The following MDN1 variants were observed in gnomAD, a reference collection of about 807,000 sequenced individuals.
MDN1 encodes the protein midasin AAA ATPase 1, also known as midasin.
Under a neutral mutation model 669.2 loss-of-function variants are expected in MDN1, and 266 were observed. The ratio of observed to expected loss-of-function variants is 0.40; its 90% CI spans 0.36 to 0.44. MDN1 has a LOEUF of 0.44. MDN1 is among the 20% of genes least tolerant of loss of function. MDN1 has a pLI of 1.00. For missense variants in MDN1, 5,940 were observed against 6,754.0 expected, an observed-to-expected ratio of 0.88 and a Z score of 4.22; for synonymous variants, 2,385 against 2,457.1, an observed-to-expected ratio of 0.97 and a Z score of 0.87.
intron 88 of MDN1, among the ~76,000 whole-genome samples, chr6:89,661,057 G>A (rs938357575): frequency 6.6e-6 from 1 of 152,138 alleles, no homozygotes; most frequent in Non-Finnish European, 1.5e-5. Flanking sequence ...CCCTAAAAAA[G>A]CTATAACTGG....
intron 75 of MDN1, 103 bp from the exon 76 acceptor site, chr6:89,677,799 C>A (rs1031382524): frequency 4.0e-5 from 59 of 1,466,022 alleles, no homozygotes; most frequent in Non-Finnish European, 4.9e-5. Context: ...AACAGCATCA[C>A]CTGAGAGCTT....
intron 15 of MDN1, among the ~76,000 whole-genome samples, chr6:89,770,029 T>G (rs1216823068): frequency 6.6e-6 from 1 of 151,948 alleles, no homozygotes; most frequent in African/African-American, 2.4e-5. Context: ...ACCCAGGAGT[T>G]CAAGGCTGTG....
Position 89,723,371 on chromosome 6 carries a change from C to T in MDN1, c.5778+141G>A, listed in dbSNP as rs1383662909. The T allele has an allele frequency of 1.5e-5, 10 of 668,030 alleles. No individual in the cohort carries two copies. The African/African-American group carries it at 1.8e-4, about 12-fold the overall frequency. 41.4% of individuals were successfully genotyped at this position (668,030 alleles called of 1,614,324 possible). ...ACTGGAAGCCTCCACTACATAGTGT[C>T]CCTTCCACTAGAAACCTGTAGAATT... On this transcript the variant is annotated intron_variant, in intron 39 of 101. Coordinates refer to ENST00000369393, the MANE Select transcript of MDN1 (RefSeq NM_014611.3).
intron 72 of MDN1, among the ~76,000 whole-genome samples, 179 bp from the exon 73 acceptor site, chr6:89,683,509 T>C (rs1215450282): frequency 2.0e-5 from 3 of 152,218 alleles, no homozygotes; most frequent in Admixed American, 2.0e-4. Context: ...TGGCAGGTAC[T>C]GTTATCCTCC....
intron 47 of MDN1, among the ~76,000 whole-genome samples, 173 bp downstream of exon 47, chr6:89,712,975 T>C (rs928811615): frequency 3.9e-5 from 6 of 152,100 alleles, no homozygotes; most frequent in African/African-American, 1.4e-4. Flanking sequence ...AAAAGGAATA[T>C]TTACATTCAA....
intron 95 of MDN1, 50 bp from the exon 96 acceptor site, chr6:89,650,897 A>G (rs1808805223): frequency 2.7e-6 from 4 of 1,500,730 alleles, no homozygotes; most frequent in Non-Finnish European, 3.7e-6. Flanking sequence ...AGAGCCAACC[A>G]AGTCTTCTAG....
At position 89,690,128 on chromosome 6, in the gene MDN1, A is replaced by C; in HGVS notation, c.10765T>G (p.Leu3589Val). 6.2e-7 allele frequency: 1 copy of C among 1,614,184 alleles called. No homozygotes were observed. The highest frequency in any genetic ancestry group is 8.5e-7 in the Non-Finnish European group (1 of 1,180,016). The change falls in exon 65 of 102, where the codon TTG becomes GTG. Residue 3589 changes from leucine (L) to valine (V), a missense_variant. Coordinates refer to ENST00000369393, the MANE Select transcript of MDN1 (RefSeq NM_014611.3). ...TTCTCCTCCAACGTTGGCTGCACCA[A>C]AATATCTGCAAAGTCCTATAAATAG... ...PLHEKDFADI[L>V]VQPTLEENKG...
Position 89,819,578 on chromosome 6 carries a change from G to A in MDN1, c.30C>T (p.Ala10=), listed in dbSNP as rs760062664. Residue 10 remains alanine (A), a synonymous_variant, in exon 1 of 102, where the codon GCC becomes GCT. Transcript: ENST00000369393. ...TGGCTGCGATTAACCGCAGCGGCGC[G>A]GCTGCCACCTCCAGCAAGAAGTGCT... is the stretch of plus-strand genomic sequence containing the variant. MEHFLLEVA[A]APLRLIAAKN... The A allele has an allele frequency of 1.9e-6, 3 of 1,602,710 alleles. No homozygotes were observed. The highest frequency in any genetic ancestry group is 2.5e-6 in the Non-Finnish European group (3 of 1,179,966).
Position 89,673,290 on chromosome 6 carries a change from T to C in MDN1, c.13420A>G (p.Met4474Val), listed in dbSNP as rs781175774. The stretch of plus-strand genomic sequence containing the variant: ...GTCTTCCAGGTAGTAAAGTCAGCCA[T>C]GGCTTTACTAATTTCTCCTCTTACA... ...EYVRGEISKAMADFTTWKTHL... is the reference protein window; with the variant it reads ...EYVRGEISKAVADFTTWKTHL... The change falls in exon 80 of 102, where the codon ATG becomes GTG. Residue 4474 changes from methionine to valine, a missense_variant. This residue lies in a region of MDN1 where 2,280 missense variants were observed against 2,576.3 expected (regional missense o/e 0.88). Transcript: ENST00000369393. 52 of 1,614,100 alleles carry C rather than the reference T, an allele frequency of 3.2e-5. No homozygotes were observed. The highest frequency in any genetic ancestry group is 6.6e-5 in the South Asian group (6 of 91,092).
chr6:89,686,872 G>A (rs749462247), intron 69 of MDN1, 30 bp downstream of exon 69: 2 of 1,611,428 alleles, frequency 1.2e-6, no homozygotes, highest in Admixed American at 3.4e-5. Flanking sequence ...GAAGCTCTAA[G>A]TGGGCAGGAA....
intron 63 of MDN1, among the ~76,000 whole-genome samples, chr6:89,691,152 G>A (rs1471786613): frequency 6.6e-6 from 1 of 152,152 alleles, no homozygotes; most frequent in Non-Finnish European, 1.5e-5. Flanking sequence ...ACAGACTCAG[G>A]GTTGGCCATG....
Position 89,749,686 on chromosome 6 carries a change from T to C in MDN1, c.3472A>G (p.Thr1158Ala). The change falls in exon 25 of 102, where the codon ACT becomes GCT. Residue 1158 changes from threonine (T) to alanine (A), a missense_variant. This residue lies in a region of MDN1 where 2,292 missense variants were observed against 2,638.3 expected (regional missense o/e 0.87). Coordinates refer to ENST00000369393, the MANE Select transcript of MDN1 (RefSeq NM_014611.3). ...IILDELNLAP[T>A]DVLEALNRLL... is the part of the protein sequence containing the mutation. ...CTATTCAGCGCCTCTAACACATCAGTAGGGGCCAAATTTAATTCATCTAAA... is the reference window on the plus strand; with the variant it reads ...CTATTCAGCGCCTCTAACACATCAGCAGGGGCCAAATTTAATTCATCTAAA... 5.6e-6 allele frequency: 9 copies of C among 1,613,920 alleles called. No individual in the cohort carries two copies. The highest frequency in any genetic ancestry group is 2.2e-5 in the East Asian group (1 of 44,884).
At chr6:89,811,315 A>G (rs1768400170) in intron 1 of MDN1, among the ~76,000 whole-genome samples, 1 of 152,184 alleles carries the variant, frequency 6.6e-6, no homozygotes, top group Non-Finnish European at 1.5e-5. Context: ...GGAAAACTAC[A>G]TAATCAGTTT....
chr6:89,741,754 C>G (rs1204833446), intron 31 of MDN1, among the ~76,000 whole-genome samples: 1 of 152,170 alleles, frequency 6.6e-6, no homozygotes, highest in Non-Finnish European at 1.5e-5. Context: ...GATAGCTCAA[C>G]TTCCTGTGAT....
chr6:89,663,977 C>T (rs1810003418), intron 85 of MDN1, among the ~76,000 whole-genome samples: 1 of 151,254 alleles, frequency 6.6e-6, no homozygotes, highest in Admixed American at 6.6e-5. Context: ...AAAAAGCAGA[C>T]TACAGAACGG....
chr6:89,806,616 G>A (rs1194480521), intron 1 of MDN1, among the ~76,000 whole-genome samples: 1 of 152,108 alleles, frequency 6.6e-6, no homozygotes, highest in Non-Finnish European at 1.5e-5. Flanking sequence ...TACTTGGGAG[G>A]CTGGGGCAGG....
chr6:89,680,748 T>A lies in MDN1; in HGVS notation c.12106A>T (p.Thr4036Ser). 6.2e-7 allele frequency: 1 copy of A among 1,613,700 alleles called. No individual in the cohort carries two copies. Among genetic ancestry groups the A allele is most frequent in the Non-Finnish European group, 8.5e-7 (1 of 1,179,836 alleles). ...LLAQPAAGQA[T>S]IPEWCQGAAP... ...GCGCCCTGACACCACTCTGGAATTG[T>A]GGCCTGTGAGACAAAAGACAGGTTA... Residue 4036 changes from threonine (T) to serine (S), a missense_variant, in exon 74 of 102, where the codon ACA becomes TCA. Physicochemically the swap from Thr to Ser is moderately conservative, Grantham distance 58. Transcript: ENST00000369393.
intron 84 of MDN1, among the ~76,000 whole-genome samples, chr6:89,667,250 A>G (rs1314859796): frequency 1.1e-4 from 16 of 152,116 alleles, no homozygotes; most frequent in Non-Finnish European, 2.2e-4. Context: ...GGCCAAAATA[A>G]CAAAGCAATT....
intron 57 of MDN1, 25 bp from the exon 58 acceptor site, chr6:89,699,752 G>A: frequency 6.2e-7 from 1 of 1,612,858 alleles, no homozygotes; most frequent in African/African-American, 1.3e-5. Flanking sequence ...AAGAGGGAGA[G>A]GGTGGGGTAT....
Sources: allele counts gnomAD v4.1 joint callset (sites outside exome capture counted in the v4.1 genomes callset), GRCh38; gene constraint gnomAD v4.1.1; regional missense constraint gnomAD v4.1.1; transcripts MANE v1.5; gene names NCBI Gene and HGNC (gene_info 2026-07-23, HGNC 2026-07-21).